Variants in MMP27 observed in about 807,000 individuals in gnomAD.
MMP27 encodes matrix metallopeptidase 27.
MMP27 carries 51 observed loss-of-function variants against 48.1 expected under a neutral mutation model. That is an observed-to-expected ratio of 1.06 (90% confidence interval 0.85 to 1.34). The LOEUF is 1.34. MMP27 is among the 40% of genes most tolerant of loss of function. The probability of loss-of-function intolerance (pLI) is 0.00; values close to 1 mark genes in which losing one functional copy is unlikely to be tolerated. For synonymous variants in MMP27, 229 were observed against 208.9 expected, an observed-to-expected ratio of 1.10 and a Z score of -0.83; for missense variants, 698 against 619.3, an observed-to-expected ratio of 1.13 and a Z score of -1.35.
In MMP27 at chr11:102,691,934, T is replaced by G. The variant is rs1318107928; in HGVS notation, c.1374A>C (p.Arg458Ser). The change falls in exon 10 of 10, where the codon AGA becomes AGC. Residue 458 changes from arginine to serine, a missense_variant. By Grantham distance (110) the Arg-to-Ser change is moderately radical (BLOSUM62 -1). Transcript: ENST00000260229. ...CTTTGCATTGAAACCAAGTATTAGT[T>G]CTCATGATTCGGGTAATATTCTTTG... The part of the protein sequence containing the change: ...IKTKNITRIM[R>S]TNTWFQCKEP... 6.2e-7 allele frequency: 1 copy of G among 1,613,490 alleles called. No individual in the cohort carries two copies. The highest frequency in any genetic ancestry group is 2.2e-5 in the East Asian group (1 of 44,760).
At chr11:102,700,547 A>G (rs1170486395) in intron 4 of MMP27, among the ~76,000 whole-genome samples, 1 of 152,232 alleles carries the variant, frequency 6.6e-6, no homozygotes, top group African/African-American at 2.4e-5. Context: ...AAAGAAGAGC[A>G]TCATTACTCT....
chr11:102,697,097 C>T (rs1165073720), intron 4 of MMP27, among the ~76,000 whole-genome samples: 1 of 152,192 alleles, frequency 6.6e-6, no homozygotes, highest in Non-Finnish European at 1.5e-5. Flanking sequence ...GCACAGCCCA[C>T]TACACACCAA....
chr11:102,701,938 G>C (rs550930210), intron 4 of MMP27, among the ~76,000 whole-genome samples: 18 of 152,276 alleles, frequency 1.2e-4, no homozygotes, highest in Non-Finnish European at 2.4e-4. Context: ...ACTACAACCT[G>C]TGCTTTCCTG....
intron 7 of MMP27, 107 bp downstream of exon 7, chr11:102,694,860 C>G: frequency 7.8e-7 from 1 of 1,277,454 alleles, no homozygotes; most frequent in East Asian, 2.5e-5. Flanking sequence ...AGAGCAAAAG[C>G]CCTGCGCCTT....
At chr11:102,701,264 G>A (rs778689092) in intron 4 of MMP27, among the ~76,000 whole-genome samples, 26 of 151,412 alleles carry the variant, frequency 1.7e-4, no homozygotes, top group Admixed American at 4.0e-4. Flanking sequence ...TTGCTCAAGC[G>A]AGCCTTACCG....
chr11:102,695,166 G>A (rs4326761), intron 6 of MMP27, 69 bp from the exon 7 acceptor site: 23 of 1,550,944 alleles, frequency 1.5e-5, no homozygotes, highest in Middle Eastern at 3.9e-4. Flanking sequence ...TGTAATCTTA[G>A]GCTTGCCTTT....
intron 4 of MMP27, among the ~76,000 whole-genome samples, 170 bp from the exon 5 acceptor site, chr11:102,697,005 G>T (rs999848185): frequency 5.9e-5 from 9 of 152,220 alleles, no homozygotes; most frequent in African/African-American, 2.2e-4. Context: ...AATAAGTCAT[G>T]TGTTGCTTAA....
chr11:102,692,504 T>G (rs1330979653), intron 9 of MMP27, among the ~76,000 whole-genome samples: 1 of 152,234 alleles, frequency 6.6e-6, no homozygotes, highest in African/African-American at 2.4e-5. Flanking sequence ...CTGGATTGTA[T>G]TCATTACATT....
In MMP27 at chr11:102,694,990, C is replaced by G. The variant is rs1458089270; in HGVS notation, c.1010G>C (p.Arg337Thr). ...ACCTTTAAAAACCAGAATCTTATCT[C>G]TGGGGTTCTCGTATGCAGCTTGCAG... ...ADLQAAYENP[R>T]DKILVFKDEN... Residue 337 changes from arginine (R) to threonine (T), a missense_variant, in exon 7 of 10, where the codon AGA becomes ACA. Physicochemically the swap from Arg to Thr is moderately conservative, Grantham distance 71 (BLOSUM62 -1). Transcript: ENST00000260229. 7.4e-6 allele frequency: 12 copies of G among 1,613,838 alleles called. No homozygotes were observed. Among genetic ancestry groups the G allele is most frequent in the Non-Finnish European group, 1.0e-5 (12 of 1,179,956 alleles).
intron 4 of MMP27, 44 bp from the exon 5 acceptor site, chr11:102,696,879 A>C (rs1165638614): frequency 1.3e-6 from 2 of 1,577,518 alleles, no homozygotes; most frequent in Non-Finnish European, 1.7e-6. Context: ...CTTAATCAAA[A>C]AGAGAATGGC....
chr11:102,695,181 T>A, intron 6 of MMP27, 84 bp from the exon 7 acceptor site: 2 of 1,470,324 alleles, frequency 1.4e-6, no homozygotes, highest in South Asian at 2.4e-5. Context: ...GCCTTTTAGC[T>A]AATTGGTTGG....
intron 6 of MMP27, among the ~76,000 whole-genome samples, chr11:102,695,547 G>A (rs898167502): frequency 2.8e-4 from 42 of 152,142 alleles, no homozygotes; most frequent in African/African-American, 9.7e-4. Flanking sequence ...AATGAGACGT[G>A]AAAAGTCCTT....
At chr11:102,702,262 T>C (rs1860953594) in intron 4 of MMP27, among the ~76,000 whole-genome samples, 1 of 152,270 alleles carries the variant, frequency 6.6e-6, no homozygotes, top group Non-Finnish European at 1.5e-5. Flanking sequence ...AGAGCCTCTA[T>C]GGGCTATGAA....
chr11:102,695,845 C>T (rs1860815111), intron 6 of MMP27, among the ~76,000 whole-genome samples: 1 of 152,208 alleles, frequency 6.6e-6, no homozygotes, highest in Admixed American at 6.5e-5. Flanking sequence ...GGATTTCCCA[C>T]TACAGCTAAC....
At position 102,694,008 on chromosome 11, in the gene MMP27, A is replaced by G. The variant is rs751571214; in HGVS notation, c.1091T>C (p.Ile364Thr). 2 of 1,610,220 alleles carry G rather than the reference A, an allele frequency of 1.2e-6. No individual in the cohort carries two copies. Among genetic ancestry groups the G allele is most frequent in the South Asian group, 1.1e-5 (1 of 90,400 alleles). The change falls in exon 8 of 10, where the codon ATC becomes ACC. Residue 364 changes from isoleucine to threonine, a missense_variant. By Grantham distance (89) the Ile-to-Thr change is moderately conservative (BLOSUM62 -1). Transcript: ENST00000260229. ...YAVLPDYPKS[I>T]HTLGFPGRVK... ...ACGTCCTGGAAAACCTAATGTATGG[A>G]TGGATTTGGGATAATCTGGCAAGAC...
At chr11:102,692,702 T>C (rs1380856309) in intron 9 of MMP27, among the ~76,000 whole-genome samples, 2 of 152,224 alleles carry the variant, frequency 1.3e-5, no homozygotes, top group Non-Finnish European at 2.9e-5. Context: ...TTATCAATGA[T>C]GAGTAAAATG....
At chr11:102,701,483 T>G (rs186166142) in intron 4 of MMP27, among the ~76,000 whole-genome samples, 1 of 152,214 alleles carries the variant, frequency 6.6e-6, no homozygotes, top group Non-Finnish European at 1.5e-5. Context: ...TTTTGGCAAG[T>G]GCTAGGATAT....
chr11:102,702,831 G>C lies in MMP27; in HGVS notation c.541C>G (p.His181Asp). ...YFDGPLGVLG[H>D]AFPPGPGLGG... ...AGACCCGGACCAGGAGGAAAGGCAT[G>C]GCCAAGCACTCCCAAGGGACCATCA... The change falls in exon 4 of 10, where the codon CAT becomes GAT. Residue 181 changes from histidine to aspartate, a missense_variant. Physicochemically the swap from His to Asp is moderately conservative, Grantham distance 81 (BLOSUM62 -1). Coordinates refer to ENST00000260229, the MANE Select transcript of MMP27 (RefSeq NM_022122.3). 6.2e-7 allele frequency: 1 copy of C among 1,613,936 alleles called. No homozygotes were observed. The highest frequency in any genetic ancestry group is 8.5e-7 in the Non-Finnish European group (1 of 1,179,938).
In MMP27 at chr11:102,696,740, C is replaced by T; in HGVS notation, c.715G>A (p.Val239Ile). ...DQTALMFPNYVSLDPRKYPLS... is the reference protein window; with the variant it reads ...DQTALMFPNYISLDPRKYPLS... ...GGGTATTTTCTGGGATCCAGGGAGA[C>T]ATAATTTGGGAACATCAAGGCTGTT... The change falls in exon 5 of 10, where the codon GTC becomes ATC. Residue 239 changes from valine (V) to isoleucine (I), a missense_variant. Coordinates refer to ENST00000260229, the MANE Select transcript of MMP27 (RefSeq NM_022122.3). The T allele has an allele frequency of 6.2e-7, 1 of 1,613,876 alleles. No individual in the cohort carries two copies. Among genetic ancestry groups the T allele is most frequent in the Non-Finnish European group, 8.5e-7 (1 of 1,179,912 alleles).
Sources: allele counts gnomAD v4.1 joint callset (sites outside exome capture counted in the v4.1 genomes callset), GRCh38; gene constraint gnomAD v4.1.1; transcripts MANE v1.5; gene names NCBI Gene and HGNC (gene_info 2026-07-23, HGNC 2026-07-21).